FAM241A: variants seen among roughly 807,000 people sequenced by gnomAD.
FAM241A encodes the protein uncharacterized protein FAM241A.
FAM241A carries 7 observed loss-of-function variants against 12.2 expected under a neutral mutation model. The ratio of observed to expected loss-of-function variants is 0.58; its 90% CI spans 0.33 to 1.08. The LOEUF is 1.08. Ranked by LOEUF, FAM241A falls within the 50% of genes least tolerant of loss-of-function variation. The probability of loss-of-function intolerance (pLI) is 0.04; values close to 1 mark genes in which losing one functional copy is unlikely to be tolerated. For synonymous variants in FAM241A, 74 were observed against 68.2 expected (o/e 1.08, Z -0.42); for missense variants, 161 against 169.7 (o/e 0.95, Z 0.29).
chr4:112,179,725 T>TAA (rs60844444), intron 1 of FAM241A, among the ~76,000 whole-genome samples: 2 of 146,820 alleles, frequency 1.4e-5, no homozygotes, highest in East Asian at 2.1e-4. Context: ...ATATATATAT[T>TAA]AAAAAAAAGA....
At chr4:112,169,546 G>A (rs1020976989) in intron 1 of FAM241A, among the ~76,000 whole-genome samples, 4 of 152,198 alleles carry the variant, frequency 2.6e-5, no homozygotes, top group African/African-American at 7.2e-5. Context: ...TCAGGAATTG[G>A]ATGGACAATT....
At position 112,176,168 on chromosome 4, in the gene FAM241A, A is replaced by C. The variant is rs541605797; in HGVS notation, c.154-10525A>C. Among the ~76,000 whole-genome samples the C allele has an allele frequency of 5.9e-5, 9 of 152,338 alleles. No individual in the cohort carries two copies. The East Asian group carries it at 1.5e-3, about 26-fold the overall frequency. On this transcript the variant is annotated intron_variant, in intron 1 of 1. Coordinates refer to ENST00000309733, the MANE Select transcript of FAM241A (RefSeq NM_152400.3). Reference sequence around the variant, plus strand: ...GAAAACATCCCACTTCAATTTCTATATAATTAAATTGTCGTAACACTTGAA... The same window carrying C: ...GAAAACATCCCACTTCAATTTCTATCTAATTAAATTGTCGTAACACTTGAA...
intron 1 of FAM241A, among the ~76,000 whole-genome samples, chr4:112,173,989 G>A (rs937132913): frequency 1.3e-5 from 2 of 152,188 alleles, no homozygotes; most frequent in African/African-American, 4.8e-5. Flanking sequence ...ACAGCAAATA[G>A]AGAATTATTC....
intron 1 of FAM241A, among the ~76,000 whole-genome samples, chr4:112,179,548 G>A (rs1723886830): frequency 6.6e-6 from 1 of 151,922 alleles, no homozygotes; most frequent in Non-Finnish European, 1.5e-5. Context: ...TCACACACAG[G>A]GGCCTGTAGT....
chr4:112,162,166 AATAAG>A (rs888531542), intron 1 of FAM241A, among the ~76,000 whole-genome samples: 5 of 152,190 alleles, frequency 3.3e-5, no homozygotes, highest in African/African-American at 1.2e-4. Flanking sequence ...ATCTCACAAT[AATAAG>A]AGCTATTTAT....
intron 1 of FAM241A, among the ~76,000 whole-genome samples, chr4:112,169,478 A>G (rs1050230722): frequency 1.3e-5 from 2 of 152,218 alleles, no homozygotes; most frequent in Non-Finnish European, 2.9e-5. Flanking sequence ...CTTAAAAAGA[A>G]ATAGCAACAC....
Position 112,171,184 on chromosome 4 carries a change from T to C in FAM241A, c.154-15509T>C, listed in dbSNP as rs1233016726. 1.3e-5 allele frequency: 8 copies of C among 594,142 alleles called. No individual in the cohort carries two copies. In the African/African-American group the frequency reaches 1.5e-4, roughly 11 times the overall value. The allele number at this position is 594,142 out of a possible 1,614,324, so 36.8% of individuals were successfully genotyped here. On this transcript the variant is annotated intron_variant, in intron 1 of 1. Transcript: ENST00000309733. Reference sequence around the variant, plus strand: ...ACCATTTTAAAATTATTATTTTTACTTTCTTTCTGTGCCGATAGCACTCCT... The same window carrying C: ...ACCATTTTAAAATTATTATTTTTACCTTCTTTCTGTGCCGATAGCACTCCT...
intron 1 of FAM241A, among the ~76,000 whole-genome samples, chr4:112,164,750 C>A (rs1723559466): frequency 6.6e-6 from 1 of 152,166 alleles, no homozygotes; most frequent in Non-Finnish European, 1.5e-5. Context: ...TCAAACAACT[C>A]TATAGGAAAA....
At chr4:112,175,007 C>G (rs191325930) in intron 1 of FAM241A, among the ~76,000 whole-genome samples, 1 of 152,226 alleles carries the variant, frequency 6.6e-6, no homozygotes, top group Admixed American at 6.5e-5. Context: ...CTACTAGTCC[C>G]TGGCTGAATG....
chr4:112,153,847 A>C (rs892690852), intron 1 of FAM241A, among the ~76,000 whole-genome samples: 1 of 152,244 alleles, frequency 6.6e-6, no homozygotes, highest in Non-Finnish European at 1.5e-5. Context: ...TAAAATTATC[A>C]TTAATACTTA....
At chr4:112,180,681 AAAATGTT>A (rs1193130121) in intron 1 of FAM241A, among the ~76,000 whole-genome samples, 1 of 152,162 alleles carries the variant, frequency 6.6e-6, no homozygotes, top group African/African-American at 2.4e-5. Context: ...TAGTCAGAGG[AAAATGTT>A]AACTACTGAA....
At chr4:112,174,453 C>T (rs1723781471) in intron 1 of FAM241A, among the ~76,000 whole-genome samples, 1 of 152,214 alleles carries the variant, frequency 6.6e-6, no homozygotes, top group African/African-American at 2.4e-5. Flanking sequence ...ATAGATTTCC[C>T]TGAGAGGACT....
intron 1 of FAM241A, among the ~76,000 whole-genome samples, chr4:112,154,838 G>A (rs1433534776): frequency 6.6e-6 from 1 of 151,988 alleles, no homozygotes; most frequent in African/African-American, 2.4e-5. Flanking sequence ...TTCGAGACCA[G>A]CCTGGCCAAC....
chr4:112,148,710 G>A (rs935430275), intron 1 of FAM241A, among the ~76,000 whole-genome samples: 2 of 152,212 alleles, frequency 1.3e-5, no homozygotes, highest in Non-Finnish European at 2.9e-5. Context: ...TTCCATATAT[G>A]TGTTGGTAAT....
chr4:112,145,639 G>T lies in FAM241A; in HGVS notation c.59G>T (p.Gly20Val). The T allele has an allele frequency of 8.2e-7, 1 of 1,222,454 alleles. No homozygotes were observed. The allele number at this position is 1,222,454 out of a possible 1,614,324, so 75.7% of individuals were successfully genotyped here. A position where few individuals can be genotyped will look rare whatever the true frequency, so the allele number is the denominator to read the frequency against. The stretch of plus-strand genomic sequence containing the variant: ...GACGGCGGGGAACGCGACGAGGACG[G>T]GGACGCGCTGGCGGAGCGGGAGGCG... ...GGDGGERDEDGDALAEREAAG... is the reference protein window; with the variant it reads ...GGDGGERDEDVDALAEREAAG... The change falls in exon 1 of 2, where the codon GGG becomes GTG. Residue 20 changes from glycine (G) to valine (V), a missense_variant. Coordinates refer to ENST00000309733, the MANE Select transcript of FAM241A (RefSeq NM_152400.3).
chr4:112,154,976 G>T (rs1452745389), intron 1 of FAM241A, among the ~76,000 whole-genome samples: 1 of 152,116 alleles, frequency 6.6e-6, no homozygotes, highest in Non-Finnish European at 1.5e-5. Context: ...AGAGGTTGCA[G>T]TGAGCCAAGA....
At chr4:112,162,964 TAG>T (rs1723509292) in intron 1 of FAM241A, among the ~76,000 whole-genome samples, 2 of 152,088 alleles carry the variant, frequency 1.3e-5, no homozygotes, top group African/African-American at 4.8e-5. Flanking sequence ...AAAACAGAGA[TAG>T]ACCAATGGAA....
intron 1 of FAM241A, among the ~76,000 whole-genome samples, chr4:112,155,747 G>A (rs1723340127): frequency 6.6e-6 from 1 of 152,078 alleles, no homozygotes; most frequent in South Asian, 2.1e-4. Context: ...AGTTGTCAAA[G>A]ATTAAAAAGA....
chr4:112,169,641 G>C, intron 1 of FAM241A, among the ~76,000 whole-genome samples: 1 of 152,196 alleles, frequency 6.6e-6, no homozygotes, highest in East Asian at 1.9e-4. Flanking sequence ...AAGCATCTCA[G>C]CACAATTTTT....
Sources: gnomAD v4.1 joint callset for allele counts (sites outside exome capture counted in the v4.1 genomes callset) on GRCh38, gnomAD v4.1.1 for gene constraint, MANE v1.5 for transcripts, NCBI Gene and HGNC (gene_info 2026-07-23, HGNC 2026-07-21) for gene names.